Variants in MCPH1 observed in about 807,000 individuals in gnomAD.
The protein encoded by MCPH1 is microcephalin 1.
Under a neutral mutation model 84.5 loss-of-function variants are expected in MCPH1, and 104 were observed. The observed-to-expected ratio is 1.23, with a 90% CI of 1.05 to 1.45. The LOEUF (loss-of-function observed/expected upper bound fraction) is 1.45. MCPH1 is among the 40% of genes most tolerant of loss of function. The pLI is 0.00. For missense variants in MCPH1, 1,498 were observed against 1,005.7 expected, an observed-to-expected ratio of 1.49 and a Z score of -6.62; for synonymous variants, 514 against 366.8, an observed-to-expected ratio of 1.40 and a Z score of -4.58.
intron 3 of MCPH1, among the ~76,000 whole-genome samples, 185 bp from the exon 4 acceptor site, chr8:6,431,314 A>G (rs1209541485): frequency 6.6e-6 from 1 of 152,178 alleles, no homozygotes; most frequent in African/African-American, 2.4e-5. Context: ...TACCAGATAG[A>G]GATGATTTTG....
chr8:6,617,277 G>GTTTTT (rs71213326), intron 12 of MCPH1: 4 of 114,672 alleles, frequency 3.5e-5, no homozygotes, highest in African/African-American at 7.1e-5. Context: ...TGTTTTTTTT[G>GTTTTT]TTTTTTTTTT....
At chr8:6,523,778 G>A (rs1463541068) in intron 12 of MCPH1, among the ~76,000 whole-genome samples, 1 of 151,938 alleles carries the variant, frequency 6.6e-6, no homozygotes, top group African/African-American at 2.4e-5. Context: ...TAGTAGAGAC[G>A]TGGTTTCATT....
At chr8:6,468,066 C>A (rs1162472797) in intron 9 of MCPH1, among the ~76,000 whole-genome samples, 1 of 152,194 alleles carries the variant, frequency 6.6e-6, no homozygotes, top group Non-Finnish European at 1.5e-5. Context: ...TAAGGAGTTT[C>A]TGCCCTACAC....
chr8:6,496,857 C>G (rs1446200610), intron 11 of MCPH1, among the ~76,000 whole-genome samples: 1 of 152,150 alleles, frequency 6.6e-6, no homozygotes, highest in Non-Finnish European at 1.5e-5. Context: ...AACTTAAAAT[C>G]CCTCTTACAG....
At chr8:6,574,409 A>G (rs1034425894) in intron 12 of MCPH1, among the ~76,000 whole-genome samples, 10 of 152,186 alleles carry the variant, frequency 6.6e-5, no homozygotes, top group Non-Finnish European at 4.4e-5. Context: ...ACCCCACTCC[A>G]GGAGGACCTC....
chr8:6,627,102 T>C, intron 13 of MCPH1: 1 of 985,408 alleles, frequency 1.0e-6, no homozygotes, highest in Non-Finnish European at 1.2e-6. Context: ...ATGCAGGCCT[T>C]CTCATGCTGG....
chr8:6,588,725 T>C (rs987751747), intron 12 of MCPH1, among the ~76,000 whole-genome samples: 2 of 152,264 alleles, frequency 1.3e-5, no homozygotes, highest in Admixed American at 6.5e-5. Context: ...TACAAAATTA[T>C]TAGCCTCTCC....
chr8:6,647,485 A>G lies in MCPH1; in HGVS notation c.*4436A>G, dbSNP rs1798267678. ...CAAGGTCTTGTATACAAATGTTCAT[A>G]GCAACATTATTCATAATAACCAAAA... On this transcript the variant is annotated 3_prime_UTR_variant, in exon 14 of 14. Coordinates refer to ENST00000344683, the MANE Select transcript of MCPH1 (RefSeq NM_024596.5). 1 of 152,256 alleles carries G rather than the reference A, an allele frequency of 6.6e-6. No homozygotes were observed. The highest frequency in any genetic ancestry group is 6.5e-5 in the Admixed American group (1 of 15,288). The allele number at this position is 152,256 out of a possible 1,614,324, so 9.4% of individuals were successfully genotyped here.
chr8:6,501,805 C>T (rs1812250007), intron 12 of MCPH1: 1 of 152,052 alleles, frequency 6.6e-6, no homozygotes, highest in Non-Finnish European at 1.5e-5. Context: ...GATCTGCCCA[C>T]CTTGCCTACC....
intron 2 of MCPH1, among the ~76,000 whole-genome samples, chr8:6,413,776 A>T (rs1392034439): frequency 3.4e-5 from 5 of 145,006 alleles, no homozygotes; most frequent in African/African-American, 7.8e-5. Context: ...TTTTTTGGAG[A>T]TGGAGTCTTG....
intron 12 of MCPH1, among the ~76,000 whole-genome samples, chr8:6,579,660 G>A (rs1407551495): frequency 6.6e-6 from 1 of 152,082 alleles, no homozygotes; most frequent in Non-Finnish European, 1.5e-5. Context: ...TATGCTTAAT[G>A]TACACACCAA....
At chr8:6,622,840 T>G (rs928220502) in intron 13 of MCPH1, among the ~76,000 whole-genome samples, 2 of 151,482 alleles carry the variant, frequency 1.3e-5, no homozygotes, top group African/African-American at 4.9e-5. Context: ...TACTTTTATT[T>G]GCTTTTATTT....
chr8:6,485,577 C>G (rs991280240), intron 11 of MCPH1, among the ~76,000 whole-genome samples: 2 of 150,884 alleles, frequency 1.3e-5, no homozygotes, highest in East Asian at 2.0e-4. Context: ...CTAAATTGCT[C>G]TTTGCCCTCT....
chr8:6,511,996 T>A (rs1414723279), intron 12 of MCPH1, among the ~76,000 whole-genome samples: 1 of 152,026 alleles, frequency 6.6e-6, no homozygotes, highest in Admixed American at 6.6e-5. Context: ...CAACCACTTG[T>A]GTCTCAAAAT....
intron 9 of MCPH1, among the ~76,000 whole-genome samples, chr8:6,470,788 C>A (rs1807616150): frequency 6.6e-6 from 1 of 152,158 alleles, no homozygotes; most frequent in Non-Finnish European, 1.5e-5. Context: ...ATTATTCCAC[C>A]ATTATAAGCT....
chr8:6,480,970 G>A, intron 11 of MCPH1, 94 bp downstream of exon 11: 1 of 1,413,694 alleles, frequency 7.1e-7, no homozygotes, highest in Non-Finnish European at 9.9e-7. Context: ...AGGCCGGCGT[G>A]CACCCTTGTG....
chr8:6,497,289 T>C (rs1289028988), intron 11 of MCPH1, among the ~76,000 whole-genome samples: 1 of 150,208 alleles, frequency 6.7e-6, no homozygotes, highest in East Asian at 2.0e-4. Flanking sequence ...GTGACCAGCC[T>C]GACCAACACT....
chr8:6,513,375 C>A (rs1815569005), intron 12 of MCPH1, among the ~76,000 whole-genome samples: 1 of 150,720 alleles, frequency 6.6e-6, no homozygotes, highest in Non-Finnish European at 1.5e-5. Flanking sequence ...CTCTGTCGCC[C>A]AGGTTGCAGT....
intron 13 of MCPH1, among the ~76,000 whole-genome samples, chr8:6,635,679 A>G (rs2980654): frequency 0.4 from 60,916 of 152,130 alleles, 12,639 homozygotes; most frequent in Non-Finnish European, 0.44. Context: ...TGTCGGTTCT[A>G]AGACCATTGT....
Sources: gnomAD v4.1 joint callset for allele counts (sites outside exome capture counted in the v4.1 genomes callset) on GRCh38, gnomAD v4.1.1 for gene constraint, MANE v1.5 for transcripts, NCBI Gene and HGNC (gene_info 2026-07-23, HGNC 2026-07-21) for gene names.